Variants in CAMK1D observed in about 807,000 individuals in gnomAD.
CAMK1D encodes the protein calcium/calmodulin dependent protein kinase ID, also known as calcium/calmodulin-dependent protein kinase type 1D.
A neutral mutation model predicts 47.7 loss-of-function variants in CAMK1D; 9 were observed. The ratio of observed to expected loss-of-function variants is 0.19; its 90% CI spans 0.11 to 0.33. CAMK1D has a LOEUF of 0.33. Among genes scored for constraint, CAMK1D ranks in the 10% least tolerant of loss-of-function variants. The probability of loss-of-function intolerance (pLI) is 1.00; values close to 1 mark genes in which losing one functional copy is unlikely to be tolerated. For missense variants in CAMK1D, 291 were observed against 488.7 expected, an observed-to-expected ratio of 0.60 and a Z score of 3.81; for synonymous variants, 184 against 184.9, an observed-to-expected ratio of 0.99 and a Z score of 0.04.
intron 1 of CAMK1D, among the ~76,000 whole-genome samples, chr10:12,479,609 C>T (rs1343478925): frequency 3.9e-5 from 6 of 152,208 alleles, no homozygotes; most frequent in Non-Finnish European, 2.9e-5. Context: ...AGGGGCAGGA[C>T]AGGGACTCTC....
intron 5 of CAMK1D, among the ~76,000 whole-genome samples, chr10:12,776,760 C>CA (rs1837265500): frequency 2.6e-5 from 4 of 152,170 alleles, no homozygotes; most frequent in Non-Finnish European, 4.4e-5. Flanking sequence ...GAAAGCTAGA[C>CA]AGACTTCAGC....
At chr10:12,501,890 G>C (rs148084265) in intron 1 of CAMK1D, among the ~76,000 whole-genome samples, 1 of 152,166 alleles carries the variant, frequency 6.6e-6, no homozygotes, top group Non-Finnish European at 1.5e-5. Flanking sequence ...GGAGTGGTGT[G>C]TGCAGTTGGT....
chr10:12,373,813 G>A (rs542864628), intron 1 of CAMK1D, among the ~76,000 whole-genome samples: 9 of 151,984 alleles, frequency 5.9e-5, no homozygotes, highest in Admixed American at 2.0e-4. Flanking sequence ...GGTGGCTCAC[G>A]CCTGTAATCC....
chr10:12,777,849 G>A (rs74834177), intron 5 of CAMK1D, among the ~76,000 whole-genome samples: 3,835 of 152,324 alleles, frequency 0.025, 67 homozygotes, highest in Middle Eastern at 0.051. Context: ...ACACCATTTT[G>A]AACCTTGAGC....
chr10:12,535,298 A>G (rs1169539075), intron 1 of CAMK1D, among the ~76,000 whole-genome samples: 1 of 152,208 alleles, frequency 6.6e-6, no homozygotes, highest in African/African-American at 2.4e-5. Flanking sequence ...GGATACCACC[A>G]AATTTCACTC....
intron 1 of CAMK1D, among the ~76,000 whole-genome samples, chr10:12,482,349 C>T (rs2768429): frequency 0.12 from 18,768 of 152,168 alleles, 1,219 homozygotes; most frequent in East Asian, 0.21. Flanking sequence ...GATGTAGGGC[C>T]ACTTAGGGGA....
At chr10:12,594,862 T>C (rs12414346) in intron 2 of CAMK1D, among the ~76,000 whole-genome samples, 1,752 of 152,244 alleles carry the variant, frequency 0.012, 74 homozygotes, top group Admixed American at 0.075. Flanking sequence ...GGGGCAGCCA[T>C]ATTGCAGCCA....
At chr10:12,607,298 G>A (rs567224638) in intron 2 of CAMK1D, among the ~76,000 whole-genome samples, 4 of 152,250 alleles carry the variant, frequency 2.6e-5, no homozygotes, top group African/African-American at 7.2e-5. Flanking sequence ...TCATCTGCAT[G>A]TCTCATTCTG....
chr10:12,459,109 C>A (rs542990432), intron 1 of CAMK1D, among the ~76,000 whole-genome samples: 4 of 152,112 alleles, frequency 2.6e-5, no homozygotes, highest in Non-Finnish European at 5.9e-5. Context: ...AAACTCCTGA[C>A]CTCAGGCGAT....
intron 1 of CAMK1D, among the ~76,000 whole-genome samples, chr10:12,467,579 C>T (rs1326868515): frequency 6.6e-6 from 1 of 152,126 alleles, no homozygotes; most frequent in East Asian, 1.9e-4. Flanking sequence ...AATATTTTCA[C>T]CTCTGATTAA....
chr10:12,503,158 G>T (rs1357880279), intron 1 of CAMK1D, among the ~76,000 whole-genome samples: 2 of 152,328 alleles, frequency 1.3e-5, no homozygotes, highest in East Asian at 3.9e-4. Flanking sequence ...ATATATGCAT[G>T]TGCATGTGTG....
rs576913420 is a variant in CAMK1D, at chr10:12,552,551, G to A, written c.93-674G>A. Reference sequence around the variant, plus strand: ...GTTTGGAGGTGGGAGAGCTGACACCGGCAGAAGGATCCAGTCCTTTTCTGT... The same window carrying A: ...GTTTGGAGGTGGGAGAGCTGACACCAGCAGAAGGATCCAGTCCTTTTCTGT... On this transcript the variant is annotated intron_variant, in intron 1 of 10. Transcript: ENST00000619168. Among the ~76,000 whole-genome samples, 10 of 152,236 alleles carry A rather than the reference G, an allele frequency of 6.6e-5. No individual in the cohort carries two copies. In the East Asian group the frequency reaches 1.9e-3, roughly 29 times the overall value.
At chr10:12,456,120 T>C (rs947754129) in intron 1 of CAMK1D, among the ~76,000 whole-genome samples, 5 of 152,190 alleles carry the variant, frequency 3.3e-5, no homozygotes, top group African/African-American at 1.2e-4. Context: ...AGATTCTCAC[T>C]GTGAAAAAGT....
chr10:12,530,663 C>T (rs1389760548), intron 1 of CAMK1D, among the ~76,000 whole-genome samples: 9 of 152,122 alleles, frequency 5.9e-5, no homozygotes, highest in African/African-American at 1.9e-4. Context: ...GGGGAGGCAG[C>T]GGTTCCCCCT....
At chr10:12,598,809 C>G (rs1208264465) in intron 2 of CAMK1D, among the ~76,000 whole-genome samples, 1 of 152,152 alleles carries the variant, frequency 6.6e-6, no homozygotes, top group Admixed American at 6.5e-5. Context: ...GCGTATCTTG[C>G]AAATAACATG....
At chr10:12,580,044 C>T (rs1281892335) in intron 2 of CAMK1D, among the ~76,000 whole-genome samples, 3 of 152,144 alleles carry the variant, frequency 2.0e-5, no homozygotes, top group Non-Finnish European at 2.9e-5. Flanking sequence ...GGCGTTTTTC[C>T]TTCAGCAGAA....
rs1437156244 is a variant in CAMK1D, at chr10:12,793,314, C to T, written c.641+2081C>T. On this transcript the variant is annotated intron_variant, in intron 6 of 10. Transcript: ENST00000619168. ...CCTTGAACCATGACTATGGTCTGCA[C>T]GAATGTCTGTGGACTCCCTTTGGGT... 5.3e-5 allele frequency among the ~76,000 whole-genome samples: 8 copies of T among 152,230 alleles called. No individual in the cohort carries two copies. The South Asian group carries it at 8.3e-4, about 16-fold the overall frequency.
chr10:12,764,496 G>A (rs1564544320), intron 4 of CAMK1D, among the ~76,000 whole-genome samples: 2 of 2,224 alleles, frequency 9.0e-4, no homozygotes, highest in East Asian at 0.25. Flanking sequence ...ATCTTTTCTA[G>A]GAGGGATGTG....
chr10:12,632,599 T>C (rs1275374076), intron 2 of CAMK1D, among the ~76,000 whole-genome samples: 1 of 152,238 alleles, frequency 6.6e-6, no homozygotes, highest in African/African-American at 2.4e-5. Flanking sequence ...GGTGTATTTA[T>C]TTCTGTTTTA....
Sources: allele counts gnomAD v4.1 joint callset (sites outside exome capture counted in the v4.1 genomes callset), GRCh38; gene constraint gnomAD v4.1.1; transcripts MANE v1.5; gene names NCBI Gene and HGNC (gene_info 2026-07-23, HGNC 2026-07-21).